DLGAP1: variants seen among roughly 807,000 people sequenced by gnomAD.
The protein encoded by DLGAP1 is DLG associated protein 1, also known as disks large-associated protein 1.
In DLGAP1, 11 loss-of-function variants were observed where a neutral mutation model predicts 90.8. The observed-to-expected ratio is 0.12, with a 90% CI of 0.08 to 0.20. DLGAP1 has a LOEUF of 0.20. Ranked by LOEUF, DLGAP1 falls within the 10% of genes least tolerant of loss-of-function variation. The pLI is 1.00. For synonymous variants in DLGAP1, 558 were observed against 540.7 expected (o/e 1.03, Z -0.44); for missense variants, 1,050 against 1,333.8 (o/e 0.79, Z 3.31).
chr18:3,937,028 G>A (rs1485856336), intron 3 of DLGAP1, among the ~76,000 whole-genome samples: 1 of 152,196 alleles, frequency 6.6e-6, no homozygotes, highest in Non-Finnish European at 1.5e-5. Context: ...AAAGTGTAAT[G>A]CAGGGAAAGA....
At chr18:4,329,241 C>G (rs2080894122) in intron 1 of DLGAP1, among the ~76,000 whole-genome samples, 1 of 151,900 alleles carries the variant, frequency 6.6e-6, no homozygotes, top group Non-Finnish European at 1.5e-5. Flanking sequence ...TCCAATTGTT[C>G]CAGCATCATT....
intron 1 of DLGAP1, chr18:4,275,290 C>A (rs1260608185): frequency 6.6e-6 from 1 of 152,206 alleles, no homozygotes; most frequent in African/African-American, 2.4e-5. Context: ...ACTGAGTGCT[C>A]TCTCTCACAG....
intron 9 of DLGAP1, among the ~76,000 whole-genome samples, chr18:3,560,989 ATT>A (rs1411721537): frequency 4.6e-5 from 7 of 150,946 alleles, no homozygotes; most frequent in Admixed American, 2.0e-4. Context: ...AATATTTCCA[ATT>A]CCTACCACTT....
At chr18:4,410,445 T>C (rs2082753029) in intron 1 of DLGAP1, among the ~76,000 whole-genome samples, 1 of 152,152 alleles carries the variant, frequency 6.6e-6, no homozygotes, top group African/African-American at 2.4e-5. Context: ...CTGAGAATTA[T>C]CAGAAGCATA....
In DLGAP1 at chr18:3,508,648, G is replaced by C; in HGVS notation, c.2493C>G (p.Ile831Met). 6.2e-7 allele frequency: 1 copy of C among 1,613,834 alleles called. No homozygotes were observed. Residue 831 changes from isoleucine to methionine, a missense_variant, in exon 11 of 13, where the codon ATC becomes ATG. Physicochemically the swap from Ile to Met is conservative, Grantham distance 10. This residue lies in a region of DLGAP1 where 565 missense variants were observed against 879.7 expected (regional missense o/e 0.64). Coordinates refer to ENST00000315677, the MANE Select transcript of DLGAP1 (RefSeq NM_004746.4). ...GTTGGGCACTGCCCACTGCGGTTCG[G>C]ATTTTTCCTAGAACTGGAAAGAGCA... ...NNLPEDILGK[I>M]RTAVGSAQLL...
At chr18:3,663,128 G>A (rs1457469704) in intron 7 of DLGAP1, among the ~76,000 whole-genome samples, 2 of 152,006 alleles carry the variant, frequency 1.3e-5, no homozygotes, top group Non-Finnish European at 2.9e-5. Flanking sequence ...AAAATTAGCC[G>A]GGTGTGGTGG....
intron 8 of DLGAP1, chr18:3,580,393 C>T: frequency 6.2e-7 from 1 of 1,613,866 alleles, no homozygotes; most frequent in East Asian, 2.2e-5. Context: ...TACCTAAGCA[C>T]CAGGTGGACA....
In DLGAP1 at chr18:4,433,764, T is replaced by C. The variant is rs149914184; in HGVS notation, c.-267+21242A>G. 2.1e-3 allele frequency among the ~76,000 whole-genome samples: 315 copies of C among 152,364 alleles called. 1 individual carries two copies. The highest frequency in any genetic ancestry group is 6.9e-3 in the African/African-American group (287 of 41,586). ...TCAGGGCATAAGACCTATGCAAATA[T>C]ATGTGACTGTCATCTATTTATTCTT... On this transcript the variant is annotated intron_variant, in intron 1 of 12. Transcript: ENST00000315677.
intron 10 of DLGAP1, among the ~76,000 whole-genome samples, chr18:3,533,058 G>A (rs1353953791): frequency 2.0e-5 from 3 of 152,112 alleles, no homozygotes; most frequent in South Asian, 2.1e-4. Flanking sequence ...TTGGGAGGCC[G>A]AGGTGGGCGG....
chr18:3,875,783 T>C (rs527297571), intron 4 of DLGAP1, among the ~76,000 whole-genome samples: 15 of 152,292 alleles, frequency 9.8e-5, no homozygotes, highest in Admixed American at 3.3e-4. Context: ...ATTTACGAGT[T>C]TGAAAATGCA....
At chr18:3,523,612 C>T (rs889165049) in intron 10 of DLGAP1, among the ~76,000 whole-genome samples, 8 of 151,962 alleles carry the variant, frequency 5.3e-5, no homozygotes, top group South Asian at 2.1e-4. Context: ...CTTTGGGAGG[C>T]CAAGGAGGGC....
rs1167722536 is a variant in DLGAP1 at position 3,560,459 on chromosome 18, G to C, written c.2057+7031C>G. Among the ~76,000 whole-genome samples, 125 of 147,472 alleles carry C rather than the reference G, an allele frequency of 8.5e-4. 4 individuals carry two copies. Among genetic ancestry groups the C allele is most frequent in the African/African-American group, 3.0e-3 (114 of 38,314 alleles). ...AAAAAAATTAGCCAGGTGTGGTGGC[G>C]TGGGCCTGTAATCCCAGCCACTCGG... On this transcript the variant is annotated intron_variant, in intron 9 of 12. Coordinates refer to ENST00000315677, the MANE Select transcript of DLGAP1 (RefSeq NM_004746.4).
chr18:4,408,416 A>T (rs962108469), intron 1 of DLGAP1, among the ~76,000 whole-genome samples: 1 of 152,180 alleles, frequency 6.6e-6, no homozygotes, highest in Non-Finnish European at 1.5e-5. Flanking sequence ...AGGGATTGAA[A>T]AGGTTTTTTT....
rs113560258 is a variant in DLGAP1, at chr18:3,817,550, C to T, written c.958-3277G>A. On this transcript the variant is annotated intron_variant, in intron 4 of 12. Transcript: ENST00000315677. ...TAGGGAAAGTGTAAAGACAGAAAAT[C>T]GAGACCTTGGAGAAGAAAAACACAA... 1.4e-3 allele frequency among the ~76,000 whole-genome samples: 209 copies of T among 152,122 alleles called. 2 individuals are homozygous for T. The highest frequency in any genetic ancestry group is 4.9e-3 in the African/African-American group (204 of 41,486).
intron 3 of DLGAP1, among the ~76,000 whole-genome samples, chr18:3,952,368 T>C (rs2073004044): frequency 1.3e-5 from 2 of 152,194 alleles, no homozygotes; most frequent in Admixed American, 1.3e-4. Flanking sequence ...CCTATACTCT[T>C]GGGGGGAGGA....
intron 7 of DLGAP1, among the ~76,000 whole-genome samples, chr18:3,614,607 G>C (rs543136188): frequency 6.6e-6 from 1 of 150,792 alleles, no homozygotes; most frequent in Middle Eastern, 3.2e-3. Context: ...TTGGGAGGCC[G>C]AGGTGGGCGG....
chr18:3,837,011 C>T (rs1325198983), intron 4 of DLGAP1, among the ~76,000 whole-genome samples: 1 of 152,186 alleles, frequency 6.6e-6, no homozygotes, highest in East Asian at 1.9e-4. Context: ...AAAAATAAAT[C>T]AATTTCTAAC....
At chr18:4,118,510 T>C (rs2076099083) in intron 2 of DLGAP1, among the ~76,000 whole-genome samples, 1 of 152,114 alleles carries the variant, frequency 6.6e-6, no homozygotes. Context: ...GTCCTACGAA[T>C]AGAAGTTAGG....
intron 1 of DLGAP1, among the ~76,000 whole-genome samples, chr18:4,202,487 A>G (rs2077626681): frequency 6.6e-6 from 1 of 152,190 alleles, no homozygotes; most frequent in African/African-American, 2.4e-5. Context: ...AAACTATTGA[A>G]ATAAAAATGT....
Sources: gnomAD v4.1 joint callset for allele counts (sites outside exome capture counted in the v4.1 genomes callset) on GRCh38, gnomAD v4.1.1 for gene constraint, gnomAD v4.1.1 regional missense constraint, MANE v1.5 for transcripts, NCBI Gene and HGNC (gene_info 2026-07-23, HGNC 2026-07-21) for gene names.